ZNF16: variants seen among roughly 807,000 people sequenced by gnomAD.
ZNF16 encodes zinc finger protein 16.
Under a neutral mutation model 9.0 loss-of-function variants are expected in ZNF16, and 7 were observed. The ratio of observed to expected loss-of-function variants is 0.78; its 90% CI spans 0.44 to 1.47. ZNF16 has a LOEUF of 1.47. Ranked by LOEUF, ZNF16 falls within the 40% of genes most tolerant of loss-of-function variation. The pLI is 0.01. For synonymous variants in ZNF16, 312 were observed against 301.5 expected (o/e 1.03, Z -0.36); for missense variants, 830 against 854.2 (o/e 0.97, Z 0.35).
intron 1 of ZNF16, among the ~76,000 whole-genome samples, chr8:144,950,051 C>T (rs1352883401): frequency 6.6e-5 from 10 of 152,202 alleles, no homozygotes; most frequent in East Asian, 1.9e-4. Flanking sequence ...AGAGGTGAGA[C>T]ATGTTGGCAG....
chr8:144,949,731 C>T (rs988908852), intron 1 of ZNF16, among the ~76,000 whole-genome samples: 2 of 152,154 alleles, frequency 1.3e-5, no homozygotes, highest in East Asian at 1.9e-4. Context: ...TCTCAATAAA[C>T]CAGGGGCACA....
At position 144,944,350 on chromosome 8, in the gene ZNF16, ATGAGCCACCGTGGTGCTGGGTTACAGGCG is replaced by A. The variant is rs1332256164; in HGVS notation, c.196+1632_196+1660del. 66 of 151,672 alleles carry A rather than the reference ATGAGCCACCGTGGTGCTGGGTTACAGGCG, an allele frequency of 4.4e-4. 1 individual carries two copies. Among genetic ancestry groups the A allele is most frequent in the Middle Eastern group, 3.4e-3 (1 of 294 alleles). 9.4% of individuals were successfully genotyped at this position (151,672 alleles called of 1,614,324 possible). A position where few individuals can be genotyped will look rare whatever the true frequency, so the allele number is the denominator to read the frequency against. Reference sequence around the variant, plus strand: ...CTCCCAAAGTGCTGGGATGACAGGCATGAGCCACCGTGGTGCTGGGTTACAGGCGTGAGCCACCGTGGTGCTGGGTTACA... The same window carrying A: ...CTCCCAAAGTGCTGGGATGACAGGCATGAGCCACCGTGGTGCTGGGTTACA... On this transcript the variant is annotated intron_variant, in intron 2 of 2. Transcript: ENST00000394909.
At chr8:144,949,590 A>C (rs1392842286) in intron 1 of ZNF16, among the ~76,000 whole-genome samples, 2 of 152,354 alleles carry the variant, frequency 1.3e-5, no homozygotes, top group South Asian at 2.1e-4. Context: ...CCACTTTGCC[A>C]CAACTTTGAG....
rs1340263801 is a variant in ZNF16 at position 144,931,439 on chromosome 8, G to A, written c.1348C>T (p.Gln450Ter). ...TCTCCAGTGTGAATTCTCCGATGCTGAATAAGGCTGGAGCTCTGACTAAAT... is the reference window on the plus strand; with the variant it reads ...TCTCCAGTGTGAATTCTCCGATGCTAAATAAGGCTGGAGCTCTGACTAAAT... ...KAFSQSSSLI[Q>*]HRRIHTGEKP... The change falls in exon 3 of 3, where the codon CAG becomes TAG. Residue 450 changes from glutamine to a stop codon, truncating the protein, a stop_gained. Coordinates refer to ENST00000394909, the MANE Select transcript of ZNF16 (RefSeq NM_006958.3). LOFTEE classifies it low-confidence loss of function (END_TRUNC). The A allele has an allele frequency of 1.2e-6, 2 of 1,614,068 alleles. No individual in the cohort carries two copies. The highest frequency in any genetic ancestry group is 8.5e-7 in the Non-Finnish European group (1 of 1,180,002).
intron 2 of ZNF16, among the ~76,000 whole-genome samples, chr8:144,940,608 T>C (rs1355990240): frequency 6.6e-6 from 1 of 152,238 alleles, no homozygotes; most frequent in Admixed American, 6.5e-5. Flanking sequence ...GAGACTTGTT[T>C]TGTGGTCTAA....
At chr8:144,939,625 A>T (rs1329915510) in intron 2 of ZNF16, among the ~76,000 whole-genome samples, 1 of 143,082 alleles carries the variant, frequency 7.0e-6, no homozygotes, top group Non-Finnish European at 1.5e-5. Context: ...AAAAAAAGCC[A>T]TTGTGGTCCT....
chr8:144,948,884 C>T (rs1353427686), intron 1 of ZNF16, among the ~76,000 whole-genome samples: 2 of 152,202 alleles, frequency 1.3e-5, no homozygotes, highest in Non-Finnish European at 2.9e-5. Flanking sequence ...CCAAAAAGGA[C>T]TTTGCAAAGG....
At position 144,933,393 on chromosome 8, in the gene ZNF16, T is replaced by A. The variant is rs1833603912; in HGVS notation, c.197-803A>T. On this transcript the variant is annotated intron_variant, in intron 2 of 2. Coordinates refer to ENST00000394909, the MANE Select transcript of ZNF16 (RefSeq NM_006958.3). This position sits in a 1 kb window ranked among gnomAD's most constrained non-coding sequence, Gnocchi z 5.6. ...CGGATGACTTCTGGCCTCGTAACAA[T>A]GTGCGTCATCTTTCCGCAGACAGAA... 6.6e-6 allele frequency among the ~76,000 whole-genome samples: 1 copy of A among 152,142 alleles called. No individual in the cohort carries two copies. The highest frequency in any genetic ancestry group is 1.5e-5 in the Non-Finnish European group (1 of 68,024).
rs747383182 is a variant in ZNF16, at chr8:144,930,990, T to C, written c.1797A>G (p.Lys599=). 2 of 1,613,786 alleles carry C rather than the reference T, an allele frequency of 1.2e-6. No homozygotes were observed. The highest frequency in any genetic ancestry group is 1.7e-6 in the Non-Finnish European group (2 of 1,179,932). ...IHHQKVHTGE[K]PYTCVECGKG... is the part of the protein sequence containing the mutation. ...TACCACATTCAACACAGGTGTAGGG[T>C]TTTTCCCCAGTATGAACTTTCTGGT... Residue 599 remains lysine, a synonymous_variant, in exon 3 of 3, where the codon AAA becomes AAG. Coordinates refer to ENST00000394909, the MANE Select transcript of ZNF16 (RefSeq NM_006958.3).
rs192884948 is a variant in ZNF16 at position 144,950,057 on chromosome 8, G to T, written c.-10+740C>A. 3.5e-3 allele frequency among the ~76,000 whole-genome samples: 531 copies of T among 152,310 alleles called. 3 individuals are homozygous for T. Among genetic ancestry groups the T allele is most frequent in the Non-Finnish European group, 5.8e-3 (397 of 68,022 alleles). ...CCTATGGTGAGAGGTGAGACATGTTGGCAGCAATGCTGCCTTGTTATTCTT... is the reference window on the plus strand; with the variant it reads ...CCTATGGTGAGAGGTGAGACATGTTTGCAGCAATGCTGCCTTGTTATTCTT... On this transcript the variant is annotated intron_variant, in intron 1 of 2. Transcript: ENST00000394909.
intron 2 of ZNF16, among the ~76,000 whole-genome samples, chr8:144,941,277 T>G (rs1563922669): frequency 6.6e-6 from 1 of 152,096 alleles, no homozygotes; most frequent in Non-Finnish European, 1.5e-5. Context: ...ATAATTGCCA[T>G]ATCTTCTTGA....
chr8:144,950,018 A>C (rs1331571549), intron 1 of ZNF16, among the ~76,000 whole-genome samples: 1 of 152,366 alleles, frequency 6.6e-6, no homozygotes, highest in African/African-American at 2.4e-5. Context: ...ATTCTGAGAC[A>C]GGAGAAAAAC....
chr8:144,946,940 CT>C (rs1833963986), intron 1 of ZNF16, among the ~76,000 whole-genome samples: 1 of 111,734 alleles, frequency 8.9e-6, no homozygotes, highest in African/African-American at 4.3e-5. Context: ...TTCTGTGGGC[CT>C]GTACCCTGCT....
chr8:144,946,421 G>C (rs1162116406), intron 1 of ZNF16, among the ~76,000 whole-genome samples: 1 of 151,808 alleles, frequency 6.6e-6, no homozygotes, highest in African/African-American at 2.4e-5. Flanking sequence ...AGACTCAAAA[G>C]CCAGGGCCAC....
chr8:144,941,176 T>C (rs1331887570), intron 2 of ZNF16, among the ~76,000 whole-genome samples: 1 of 152,210 alleles, frequency 6.6e-6, no homozygotes, highest in Non-Finnish European at 1.5e-5. Flanking sequence ...AGTACTGAAG[T>C]CTCTATTACT....
At position 144,932,319 on chromosome 8, in the gene ZNF16, A is replaced by G. The variant is rs1833573586; in HGVS notation, c.468T>C (p.Asn156=). ...TCAGACTGAAGCGACTGTCAAAACC[A>G]TTACAGTCCAGATCTTTCTCCCCTA... ...GPLGEKDLDC[N]GFDSRFSLSP... is the part of the protein sequence containing the mutation. The change falls in exon 3 of 3, where the codon AAT becomes AAC. Residue 156 remains asparagine, a synonymous_variant. Coordinates refer to ENST00000394909, the MANE Select transcript of ZNF16 (RefSeq NM_006958.3). The surrounding 1 kb of genome is among the most constrained non-coding windows in gnomAD (Gnocchi z 5.0). 6.2e-7 allele frequency: 1 copy of G among 1,614,156 alleles called. No individual in the cohort carries two copies.
Position 144,930,509 on chromosome 8 carries a change from G to A in ZNF16, c.*229C>T. 1 of 477,448 alleles carries A rather than the reference G, an allele frequency of 2.1e-6. No individual in the cohort carries two copies. The highest frequency in any genetic ancestry group is 3.6e-6 in the Non-Finnish European group (1 of 275,708). The allele number at this position is 477,448 out of a possible 1,614,324, so 29.6% of individuals were successfully genotyped here. A position where few individuals can be genotyped will look rare whatever the true frequency, so the allele number is the denominator to read the frequency against. On this transcript the variant is annotated 3_prime_UTR_variant, in exon 3 of 3. Coordinates refer to ENST00000394909, the MANE Select transcript of ZNF16 (RefSeq NM_006958.3). ...CAAACGTGCAGTCCGTTCACAAGCTGTAAAAACAAGCCCAAACCCAAGACA... is the reference window on the plus strand; with the variant it reads ...CAAACGTGCAGTCCGTTCACAAGCTATAAAAACAAGCCCAAACCCAAGACA...
In ZNF16 at chr8:144,930,747, G is replaced by A; in HGVS notation, c.2040C>T (p.Thr680=). ...SKLIKHQLIH[T]RE ...CTGCCAGCCCAACAGCCTATTCCCT[G>A]GTGTGAATCAACTGGTGTTTGATCA... is the stretch of plus-strand genomic sequence containing the variant. Residue 680 remains threonine, a synonymous_variant, in exon 3 of 3, where the codon ACC becomes ACT. Coordinates refer to ENST00000394909, the MANE Select transcript of ZNF16 (RefSeq NM_006958.3). 1 of 1,527,454 alleles carries A rather than the reference G, an allele frequency of 6.5e-7. No homozygotes were observed. The allele number at this position is 1,527,454 out of a possible 1,614,324, so 94.6% of individuals were successfully genotyped here. A position where few individuals can be genotyped will look rare whatever the true frequency, so the allele number is the denominator to read the frequency against.
chr8:144,943,817 G>A (rs1189664277), intron 2 of ZNF16, among the ~76,000 whole-genome samples: 1 of 151,868 alleles, frequency 6.6e-6, no homozygotes, highest in Non-Finnish European at 1.5e-5. Context: ...ACAACGCCCA[G>A]CCATTAAGTT....
Sources: gnomAD v4.1 joint callset for allele counts (sites outside exome capture counted in the v4.1 genomes callset) on GRCh38, gnomAD v4.1.1 for gene constraint, Gnocchi (gnomAD v3.1) non-coding constraint, MANE v1.5 for transcripts, NCBI Gene and HGNC (gene_info 2026-07-23, HGNC 2026-07-21) for gene names.